The following CFAP20DC variants were observed in gnomAD, a reference collection of about 807,000 sequenced individuals.
CFAP20DC encodes the protein protein CFAP20DC.
A neutral mutation model predicts 101.7 loss-of-function variants in CFAP20DC; 84 were observed. The observed-to-expected ratio is 0.83, with a 90% CI of 0.69 to 0.99. CFAP20DC has a LOEUF of 0.99. Ranked by LOEUF, CFAP20DC falls within the 50% of genes least tolerant of loss-of-function variation. CFAP20DC has a pLI of 0.00. For missense variants in CFAP20DC, 1,007 were observed against 970.3 expected (o/e 1.04, Z -0.50); for synonymous variants, 359 against 351.2 (o/e 1.02, Z -0.25).
chr3:58,840,077 A>T (rs1298128751), intron 13 of CFAP20DC, among the ~76,000 whole-genome samples: 1 of 152,240 alleles, frequency 6.6e-6, no homozygotes, highest in Non-Finnish European at 1.5e-5. Flanking sequence ...AACAAGTTAC[A>T]CCTGGAAAAT....
intron 6 of CFAP20DC, among the ~76,000 whole-genome samples, chr3:58,891,243 C>T (rs1217549547): frequency 2.0e-5 from 3 of 152,038 alleles, no homozygotes; most frequent in East Asian, 1.9e-4. Context: ...GCCAACACAG[C>T]GAAACCCCGT....
chr3:58,863,282 T>C lies in CFAP20DC; in HGVS notation c.1593+276A>G, dbSNP rs963021532. 1.4e-5 allele frequency: 20 copies of C among 1,407,638 alleles called. No individual in the cohort carries two copies. Among genetic ancestry groups the C allele is most frequent in the African/African-American group, 5.8e-5 (4 of 69,070 alleles). The allele number at this position is 1,407,638 out of a possible 1,614,324, so 87.2% of individuals were successfully genotyped here. A position where few individuals can be genotyped will look rare whatever the true frequency, so the allele number is the denominator to read the frequency against. ...GCACTAAACTGCATATCGTTTCTCA[T>C]CCTGTGATTCAAAGATTAAAATGAA... On this transcript the variant is annotated intron_variant, in intron 12 of 16. Transcript: ENST00000482387. This position sits in a 1 kb window ranked among gnomAD's most constrained non-coding sequence, Gnocchi z 5.9.
chr3:58,765,227 T>C (rs1426396203), intron 15 of CFAP20DC, among the ~76,000 whole-genome samples: 1 of 152,090 alleles, frequency 6.6e-6, no homozygotes, highest in African/African-American at 2.4e-5. Flanking sequence ...ACATTTATTT[T>C]ATTAATGTGC....
intron 6 of CFAP20DC, among the ~76,000 whole-genome samples, chr3:58,902,546 G>A (rs539396233): frequency 1.3e-5 from 2 of 152,040 alleles, no homozygotes; most frequent in African/African-American, 2.4e-5. Context: ...ATTTTTTCAC[G>A]TGTTTGTCTA....
At chr3:58,851,130 A>G (rs555756204) in intron 12 of CFAP20DC, among the ~76,000 whole-genome samples, 4 of 152,330 alleles carry the variant, frequency 2.6e-5, no homozygotes, top group African/African-American at 9.6e-5. Flanking sequence ...ATGATAGACC[A>G]GAACATAATC....
rs1185893966 is a variant in CFAP20DC at position 58,855,629 on chromosome 3, G to T, written c.1594-6220C>A. Among the ~76,000 whole-genome samples, 93 of 152,098 alleles carry T rather than the reference G, an allele frequency of 6.1e-4. 1 individual carries two copies. The highest frequency in any genetic ancestry group is 3.3e-3 in the East Asian group (17 of 5,184). On this transcript the variant is annotated intron_variant, in intron 12 of 16. Transcript: ENST00000482387. ...GAATGGATTAAGAAAATGTGGCACA[G>T]ATACACCATGGAATACTATGCAGCC...
chr3:58,809,419 C>A (rs1280055266), intron 14 of CFAP20DC, among the ~76,000 whole-genome samples: 1 of 152,150 alleles, frequency 6.6e-6, no homozygotes, highest in Non-Finnish European at 1.5e-5. Flanking sequence ...CGCTCAACTA[C>A]ATGGAAACTG....
At chr3:58,759,294 G>GT (rs1254411386) in intron 15 of CFAP20DC, among the ~76,000 whole-genome samples, 1 of 152,156 alleles carries the variant, frequency 6.6e-6, no homozygotes, top group African/African-American at 2.4e-5. Flanking sequence ...GCCAGTGATG[G>GT]TGAGCATTTT....
intron 5 of CFAP20DC, among the ~76,000 whole-genome samples, chr3:58,923,079 A>T (rs1576321440): frequency 6.6e-6 from 1 of 151,978 alleles, no homozygotes; most frequent in East Asian, 1.9e-4. Flanking sequence ...GCTAATTTTT[A>T]TATTTTTAGT....
chr3:59,041,568 C>G (rs1300490003), intron 3 of CFAP20DC, among the ~76,000 whole-genome samples: 1 of 152,028 alleles, frequency 6.6e-6, no homozygotes. Context: ...TAAAATCACT[C>G]TCTCTAAGTA....
intron 14 of CFAP20DC, among the ~76,000 whole-genome samples, chr3:58,816,019 C>G (rs562667192): frequency 6.6e-6 from 1 of 151,872 alleles, no homozygotes; most frequent in East Asian, 1.9e-4. Context: ...GGTATATACC[C>G]AAAGGACTAT....
intron 12 of CFAP20DC, among the ~76,000 whole-genome samples, chr3:58,856,738 C>CA (rs1336415493): frequency 7.2e-5 from 11 of 151,924 alleles, no homozygotes; most frequent in Admixed American, 5.9e-4. Context: ...AGATGGTAAA[C>CA]AAAAAATAGA....
intron 15 of CFAP20DC, among the ~76,000 whole-genome samples, chr3:58,790,810 G>A (rs747802753): frequency 3.9e-5 from 6 of 152,138 alleles, no homozygotes; most frequent in African/African-American, 7.2e-5. Flanking sequence ...TCCAAAGGAC[G>A]GTGATTAGGA....
At chr3:58,911,137 T>C (rs1357021660) in intron 6 of CFAP20DC, among the ~76,000 whole-genome samples, 2 of 152,162 alleles carry the variant, frequency 1.3e-5, no homozygotes, top group East Asian at 3.8e-4. Context: ...TATGCATTCA[T>C]TCTGCTCTGA....
At chr3:58,853,567 T>A (rs1380444731) in intron 12 of CFAP20DC, among the ~76,000 whole-genome samples, 6 of 152,018 alleles carry the variant, frequency 3.9e-5, no homozygotes, top group Admixed American at 3.9e-4. Flanking sequence ...TTGATGAACA[T>A]TGATGCAAAA....
intron 7 of CFAP20DC, among the ~76,000 whole-genome samples, chr3:58,878,721 G>GCA (rs1382779815): frequency 6.6e-6 from 1 of 152,138 alleles, no homozygotes; most frequent in Non-Finnish European, 1.5e-5. Context: ...AATTAAGAAT[G>GCA]CACCTCTGTG....
At chr3:58,968,284 C>CAT (rs2091719942) in intron 4 of CFAP20DC, among the ~76,000 whole-genome samples, 1 of 152,164 alleles carries the variant, frequency 6.6e-6, no homozygotes, top group Non-Finnish European at 1.5e-5. Context: ...GAGGAATCAC[C>CAT]ATACTGCTTT....
Position 58,913,608 on chromosome 3 carries a change from A to G in CFAP20DC, c.550+100T>C, listed in dbSNP as rs1485860627. On this transcript the variant is annotated intron_variant, in intron 6 of 16. Transcript: ENST00000482387. This position sits in a 1 kb window ranked among gnomAD's most constrained non-coding sequence, Gnocchi z 4.4. The stretch of plus-strand genomic sequence containing the variant: ...TGACAAATTTACTTTAGCAGACATA[A>G]CATCAAACTGCTACCACACACTCAT... 8.6e-7 allele frequency: 1 copy of G among 1,168,594 alleles called. No homozygotes were observed. The allele number at this position is 1,168,594 out of a possible 1,614,324, so 72.4% of individuals were successfully genotyped here.
rs993726781 is a variant in CFAP20DC, at chr3:58,897,895, T to C, written c.551-13186A>G. Among the ~76,000 whole-genome samples, 5 of 152,306 alleles carry C rather than the reference T, an allele frequency of 3.3e-5. No individual in the cohort carries two copies. Among genetic ancestry groups the C allele is most frequent in the Non-Finnish European group, 5.9e-5 (4 of 68,028 alleles). On this transcript the variant is annotated intron_variant, in intron 6 of 16. Coordinates refer to ENST00000482387, the MANE Select transcript of CFAP20DC (RefSeq NM_001394063.1). This position sits in a 1 kb window ranked among gnomAD's most constrained non-coding sequence, Gnocchi z 4.4. The stretch of plus-strand genomic sequence containing the variant: ...CTCATGGAGTATCTTATTGGGGTTG[T>C]CTGCATTTCCTGAATTTAAATGTTG...
Sources: allele counts gnomAD v4.1 joint callset (sites outside exome capture counted in the v4.1 genomes callset), GRCh38; gene constraint gnomAD v4.1.1; non-coding constraint Gnocchi (gnomAD v3.1); transcripts MANE v1.5; gene names NCBI Gene and HGNC (gene_info 2026-07-23, HGNC 2026-07-21).